The following DEFB131B variants were observed in gnomAD, a reference collection of about 807,000 sequenced individuals.
DEFB131B encodes beta-defensin 131B.
Under a neutral mutation model 2.1 loss-of-function variants are expected in DEFB131B, and 2 were observed. That is an observed-to-expected ratio of 0.94 (90% CI 0.38 to 2.95). The LOEUF is 2.95. DEFB131B is among the 30% of genes most tolerant of loss of function. DEFB131B has a pLI of 0.09. For missense variants in DEFB131B, 77 were observed against 78.5 expected, an observed-to-expected ratio of 0.98 and a Z score of 0.07; for synonymous variants, 26 against 25.8, an observed-to-expected ratio of 1.01 and a Z score of -0.03.
chr11:71,881,381 T>G (rs115189821), intron 1 of DEFB131B, among the ~76,000 whole-genome samples: 6,834 of 152,238 alleles, frequency 0.045, 523 homozygotes, highest in African/African-American at 0.16. Flanking sequence ...AAGTACCACA[T>G]AATGGGTGCC....
chr11:71,882,213 TA>T (rs59043498), intron 1 of DEFB131B, among the ~76,000 whole-genome samples: 10,200 of 143,426 alleles, frequency 0.071, 367 homozygotes, highest in Non-Finnish European at 0.09. Context: ...TTTAAAATGT[TA>T]AAAAAAAAAA....
chr11:71,880,351 A>G (rs1024422199), intron 1 of DEFB131B, among the ~76,000 whole-genome samples: 1 of 152,130 alleles, frequency 6.6e-6, no homozygotes, highest in East Asian at 1.9e-4. Context: ...TTTCTTTTAT[A>G]TCAGTTGTAA....
chr11:71,884,512 T>C lies in DEFB131B; in HGVS notation c.164T>C (p.Ile55Thr). 1 of 1,609,760 alleles carries C rather than the reference T, an allele frequency of 6.2e-7. No homozygotes were observed. Among genetic ancestry groups the C allele is most frequent in the Non-Finnish European group, 8.5e-7 (1 of 1,178,512 alleles). ...HAIRYCADFS[I>T]CCKLKIIQID... ...ATTAGATACTGTGCTGACTTCAGCA[T>C]CTGCTGCAAACTGAAGATCATTCAA... Residue 55 changes from isoleucine (I) to threonine (T), a missense_variant, in exon 2 of 2, where the codon ATC (isoleucine) becomes ACC (threonine). By Grantham distance (89) the Ile-to-Thr change is moderately conservative. Coordinates refer to ENST00000530210, the MANE Select transcript of DEFB131B (RefSeq NM_001242853.1).
chr11:71,879,896 C>G (rs572546955), intron 1 of DEFB131B, among the ~76,000 whole-genome samples: 1 of 152,242 alleles, frequency 6.6e-6, no homozygotes, highest in South Asian at 2.1e-4. Context: ...CAAGATTCAT[C>G]CATGTTGTGG....
At position 71,878,619 on chromosome 11, in the gene DEFB131B, C is replaced by T. The variant is rs1411601912; in HGVS notation, c.58+109C>T. 3.6e-6 allele frequency: 4 copies of T among 1,099,568 alleles called. No individual in the cohort carries two copies. In the African/African-American group the frequency reaches 6.4e-5, roughly 17 times the overall value. 68.1% of individuals were successfully genotyped at this position (1,099,568 alleles called of 1,614,324 possible). Reference sequence around the variant, plus strand: ...TTAGGCATGGGCAGATTTTACTGTACCATGAAGGCTGCTCAGAAGATTGAA... The same window carrying T: ...TTAGGCATGGGCAGATTTTACTGTATCATGAAGGCTGCTCAGAAGATTGAA... On this transcript the variant is annotated intron_variant, in intron 1 of 1. Coordinates refer to ENST00000530210, the MANE Select transcript of DEFB131B (RefSeq NM_001242853.1).
intron 1 of DEFB131B, among the ~76,000 whole-genome samples, chr11:71,883,443 T>C (rs143693884): frequency 9.9e-5 from 15 of 152,172 alleles, no homozygotes; most frequent in African/African-American, 3.6e-4. Context: ...CTGACACTTA[T>C]AAAGTCAACT....
At position 71,884,454 on chromosome 11, in the gene DEFB131B, T is replaced by C; in HGVS notation, c.106T>C (p.Cys36Arg). ...TGAATGTCCTTCAGAATATTATCAT[T>C]GCAGACTGAAGTGCAATGCTGATGA... ...NDECPSEYYH[C>R]RLKCNADEHA... The change falls in exon 2 of 2, where the codon TGC becomes CGC. Residue 36 changes from cysteine to arginine, a missense_variant. Transcript: ENST00000530210. 1.2e-6 allele frequency: 2 copies of C among 1,608,506 alleles called. No homozygotes were observed. Among genetic ancestry groups the C allele is most frequent in the South Asian group, 2.2e-5 (2 of 90,356 alleles).
intron 1 of DEFB131B, among the ~76,000 whole-genome samples, chr11:71,880,288 T>C (rs111621721): frequency 2.6e-5 from 4 of 152,294 alleles, no homozygotes; most frequent in African/African-American, 9.6e-5. Flanking sequence ...AATTTCATCA[T>C]ATGAATTATT....
intron 1 of DEFB131B, among the ~76,000 whole-genome samples, chr11:71,880,145 A>G (rs1388051238): frequency 6.6e-6 from 1 of 152,214 alleles, no homozygotes; most frequent in East Asian, 1.9e-4. Flanking sequence ...GTGCCTCAGA[A>G]AAGATAAATA....
intron 1 of DEFB131B, among the ~76,000 whole-genome samples, chr11:71,883,114 A>T (rs534431274): frequency 6.6e-6 from 1 of 152,346 alleles, no homozygotes; most frequent in East Asian, 1.9e-4. Flanking sequence ...CAGTAGAAAG[A>T]TATCCTATGT....
intron 1 of DEFB131B, 84 bp downstream of exon 1, chr11:71,878,594 T>C: frequency 7.0e-7 from 1 of 1,432,382 alleles, no homozygotes; most frequent in Non-Finnish European, 9.5e-7. Flanking sequence ...TGAAAATAAA[T>C]TAGGCATGGG....
intron 1 of DEFB131B, among the ~76,000 whole-genome samples, chr11:71,881,208 A>G (rs1480775330): frequency 6.6e-6 from 1 of 152,206 alleles, no homozygotes; most frequent in Non-Finnish European, 1.5e-5. Flanking sequence ...ACATATATAT[A>G]CATATTTGGA....
At chr11:71,881,018 G>C (rs1397174018) in intron 1 of DEFB131B, among the ~76,000 whole-genome samples, 1 of 152,172 alleles carries the variant, frequency 6.6e-6, no homozygotes, top group East Asian at 1.9e-4. Flanking sequence ...GTAAATGTCT[G>C]TTAAGTCTAT....
At chr11:71,879,647 T>C (rs1336560716) in intron 1 of DEFB131B, among the ~76,000 whole-genome samples, 2 of 152,182 alleles carry the variant, frequency 1.3e-5, no homozygotes, top group Non-Finnish European at 2.9e-5. Context: ...ATTCATTGCC[T>C]TAAAGTGTTC....
rs144420419 is a variant in DEFB131B at position 71,881,262 on chromosome 11, G to A, written c.58+2752G>A. Among the ~76,000 whole-genome samples the A allele has an allele frequency of 3.0e-4, 45 of 152,100 alleles. No individual in the cohort carries two copies. The East Asian group carries it at 7.9e-3, about 27-fold the overall frequency. ...TGGATTGGCCCTTTTATCATTATAT[G>A]ATGGCCTTCTTTGTCTCTTTTTATG... On this transcript the variant is annotated intron_variant, in intron 1 of 1. Coordinates refer to ENST00000530210, the MANE Select transcript of DEFB131B (RefSeq NM_001242853.1).
intron 1 of DEFB131B, among the ~76,000 whole-genome samples, chr11:71,882,369 C>T (rs1271810575): frequency 1.3e-5 from 2 of 152,012 alleles, no homozygotes; most frequent in African/African-American, 4.8e-5. Flanking sequence ...CAATCTCGTG[C>T]CTCAGCCAGC....
intron 1 of DEFB131B, among the ~76,000 whole-genome samples, chr11:71,882,364 T>TCGTGC (rs1257815675): frequency 6.6e-6 from 1 of 152,020 alleles, no homozygotes; most frequent in Non-Finnish European, 1.5e-5. Context: ...CCAAGCAATC[T>TCGTGC]CGTGCCTCAG....
At chr11:71,880,442 G>A (rs1334341514) in intron 1 of DEFB131B, among the ~76,000 whole-genome samples, 1 of 152,038 alleles carries the variant, frequency 6.6e-6, no homozygotes, top group Non-Finnish European at 1.5e-5. Context: ...AGTTTATAAA[G>A]TCTGTTTATC....
intron 1 of DEFB131B, among the ~76,000 whole-genome samples, chr11:71,880,396 G>A (rs571800482): frequency 6.6e-6 from 1 of 151,936 alleles, no homozygotes; most frequent in Admixed American, 6.6e-5. Context: ...TATTTATTTG[G>A]CATTCTCTCT....
Sources: gnomAD v4.1 joint callset for allele counts (sites outside exome capture counted in the v4.1 genomes callset) on GRCh38, gnomAD v4.1.1 for gene constraint, MANE v1.5 for transcripts, NCBI Gene and HGNC (gene_info 2026-07-23, HGNC 2026-07-21) for gene names.